PLD1: variants seen among roughly 807,000 people sequenced by gnomAD.
PLD1 encodes choline phosphatase 1.
In PLD1, 112 loss-of-function variants were observed where a neutral mutation model predicts 137.1. The observed-to-expected ratio is 0.82, with a 90% CI of 0.70 to 0.96. The LOEUF (loss-of-function observed/expected upper bound fraction) is 0.96, where lower values mean the gene tolerates loss of function less well. Among genes scored for constraint, PLD1 ranks in the 40% least tolerant of loss-of-function variants. The pLI is 0.00. For missense variants in PLD1, 1,321 were observed against 1,342.0 expected, an observed-to-expected ratio of 0.98 and a Z score of 0.24; for synonymous variants, 431 against 454.7, an observed-to-expected ratio of 0.95 and a Z score of 0.66.
chr3:171,619,682 G>A (rs1449214526), intron 24 of PLD1, among the ~76,000 whole-genome samples: 1 of 152,178 alleles, frequency 6.6e-6, no homozygotes, highest in Admixed American at 6.5e-5. Context: ...TTAGGTGGAT[G>A]TGGTATAAAC....
chr3:171,750,328 A>G (rs1668315806), intron 1 of PLD1, among the ~76,000 whole-genome samples: 1 of 152,206 alleles, frequency 6.6e-6, no homozygotes, highest in Admixed American at 6.5e-5. Context: ...AAATTATCCA[A>G]TCTGAAGGAC....
At chr3:171,781,892 C>T (rs1304593941) in intron 1 of PLD1, among the ~76,000 whole-genome samples, 1 of 151,992 alleles carries the variant, frequency 6.6e-6, no homozygotes, top group Non-Finnish European at 1.5e-5. Context: ...AGTATTTATC[C>T]AAGAGAAAAG....
At chr3:171,623,009 TA>T (rs998856821) in intron 23 of PLD1, among the ~76,000 whole-genome samples, 19 of 151,992 alleles carry the variant, frequency 1.3e-4, no homozygotes, top group Non-Finnish European at 1.5e-5. Context: ...AAGAAAAAGT[TA>T]AAAAACTATC....
chr3:171,641,508 A>G (rs777781506), intron 23 of PLD1, among the ~76,000 whole-genome samples: 1 of 152,146 alleles, frequency 6.6e-6, no homozygotes, highest in Non-Finnish European at 1.5e-5. Flanking sequence ...TTGGGAGGCT[A>G]CCAGTATAAA....
chr3:171,789,520 G>A (rs2108349467), intron 1 of PLD1: 1 of 152,304 alleles, frequency 6.6e-6, no homozygotes, highest in East Asian at 1.9e-4. Flanking sequence ...TTGGGCAGTG[G>A]CCAGAGTGGG....
At chr3:171,603,680 T>C (rs1731988845) in intron 26 of PLD1, among the ~76,000 whole-genome samples, 1 of 152,206 alleles carries the variant, frequency 6.6e-6, no homozygotes, top group Non-Finnish European at 1.5e-5. Context: ...TATCTGTACC[T>C]TTACATAGCA....
At chr3:171,729,761 G>C (rs1718793660) in intron 6 of PLD1, among the ~76,000 whole-genome samples, 1 of 152,194 alleles carries the variant, frequency 6.6e-6, no homozygotes, top group Non-Finnish European at 1.5e-5. Context: ...AGATGCAGCT[G>C]TTCAAATTAG....
rs147690122 is a variant in PLD1 at position 171,724,898 on chromosome 3, T to A, written c.666-110A>T. 1.4e-4 allele frequency: 101 copies of A among 731,280 alleles called. No individual in the cohort carries two copies. The African/African-American group carries it at 1.6e-3, about 12-fold the overall frequency. 45.3% of individuals were successfully genotyped at this position (731,280 alleles called of 1,614,324 possible). A position where few individuals can be genotyped will look rare whatever the true frequency, so the allele number is the denominator to read the frequency against. ...AAACCATCTCATTCTCACATGACTT[T>A]CCTCCCTACTCTCTCCTCCTCGCTC... On this transcript the variant is annotated intron_variant, in intron 7 of 26. Transcript: ENST00000351298.
intron 1 of PLD1, among the ~76,000 whole-genome samples, chr3:171,798,341 C>T (rs1003720177): frequency 6.6e-6 from 1 of 152,244 alleles, no homozygotes; most frequent in Non-Finnish European, 1.5e-5. Context: ...AACTCTCCTA[C>T]TCATCGAACA....
chr3:171,627,121 GT>G (rs1474399176), intron 23 of PLD1, among the ~76,000 whole-genome samples: 1 of 152,090 alleles, frequency 6.6e-6, no homozygotes, highest in Non-Finnish European at 1.5e-5. Flanking sequence ...CCCATCTCAC[GT>G]GCAGAGACAC....
At chr3:171,772,443 A>C (rs1252164329) in intron 1 of PLD1, among the ~76,000 whole-genome samples, 1 of 152,182 alleles carries the variant, frequency 6.6e-6, no homozygotes, top group African/African-American at 2.4e-5. Flanking sequence ...AGCTCAACAA[A>C]TTCACCCATG....
At chr3:171,616,438 T>C (rs1733119686) in intron 24 of PLD1, among the ~76,000 whole-genome samples, 1 of 152,200 alleles carries the variant, frequency 6.6e-6, no homozygotes. Flanking sequence ...TGTGAATATA[T>C]GTTCAATGGC....
intron 1 of PLD1, among the ~76,000 whole-genome samples, chr3:171,764,936 AAG>A (rs1721825086): frequency 2.5e-4 from 2 of 7,988 alleles, no homozygotes; most frequent in Non-Finnish European, 5.4e-4. Flanking sequence ...AAAGAAAGGA[AAG>A]AAAGAAAGAA....
chr3:171,791,412 C>G (rs775312202), intron 1 of PLD1, among the ~76,000 whole-genome samples: 47 of 152,166 alleles, frequency 3.1e-4, no homozygotes, highest in Admixed American at 5.2e-4. Context: ...TTTCTGGATG[C>G]TCGTGAACAT....
intron 1 of PLD1, among the ~76,000 whole-genome samples, chr3:171,757,924 G>A (rs1266599041): frequency 6.6e-6 from 1 of 152,186 alleles, no homozygotes; most frequent in Non-Finnish European, 1.5e-5. Flanking sequence ...CCCAATATAA[G>A]AAATAGCCAA....
chr3:171,611,650 T>C (rs1732668261), intron 25 of PLD1: 1 of 518,842 alleles, frequency 1.9e-6, no homozygotes, highest in South Asian at 1.4e-5. Flanking sequence ...AACAGAAGTT[T>C]CCACATTTAA....
chr3:171,808,485 G>A (rs1045837932), intron 1 of PLD1, among the ~76,000 whole-genome samples: 13 of 152,214 alleles, frequency 8.5e-5, no homozygotes, highest in African/African-American at 2.4e-4. Flanking sequence ...GCAGTGAGCC[G>A]AGATCGCGCC....
chr3:171,733,576 T>C, intron 5 of PLD1, 67 bp from the exon 6 acceptor site: 1 of 641,098 alleles, frequency 1.6e-6, no homozygotes, highest in South Asian at 2.0e-5. Flanking sequence ...TAAACAGTAG[T>C]GACAATGATG....
chr3:171,676,034 T>C (rs918152415), intron 18 of PLD1, among the ~76,000 whole-genome samples: 19 of 151,752 alleles, frequency 1.3e-4, no homozygotes, highest in Non-Finnish European at 1.8e-4. Context: ...TAGAGACAGG[T>C]TTTCACCATG....
Sources: allele counts gnomAD v4.1 joint callset (sites outside exome capture counted in the v4.1 genomes callset), GRCh38; gene constraint gnomAD v4.1.1; transcripts MANE v1.5; gene names NCBI Gene and HGNC (gene_info 2026-07-23, HGNC 2026-07-21).